RAB27B: variants seen among roughly 807,000 people sequenced by gnomAD.
RAB27B encodes RAB27B, member RAS oncogene family.
A neutral mutation model predicts 24.6 loss-of-function variants in RAB27B; 15 were observed. The ratio of observed to expected loss-of-function variants is 0.61; its 90% CI spans 0.41 to 0.94. RAB27B has a LOEUF of 0.94. Ranked by LOEUF, RAB27B falls within the 40% of genes least tolerant of loss-of-function variation. The probability of loss-of-function intolerance (pLI) is 0.00; values close to 1 mark genes in which losing one functional copy is unlikely to be tolerated. For synonymous variants in RAB27B, 105 were observed against 92.5 expected (o/e 1.14, Z -0.78); for missense variants, 261 against 266.8 (o/e 0.98, Z 0.15).
chr18:54,845,829 A>C (rs1044189614), intron 1 of RAB27B, among the ~76,000 whole-genome samples: 2 of 152,170 alleles, frequency 1.3e-5, no homozygotes, highest in Admixed American at 6.5e-5. Flanking sequence ...TGATTCACTA[A>C]TCATGTATTT....
At chr18:54,842,845 A>G (rs940496700) in intron 1 of RAB27B, among the ~76,000 whole-genome samples, 18 of 152,162 alleles carry the variant, frequency 1.2e-4, no homozygotes, top group Non-Finnish European at 2.6e-4. Context: ...GCCAGGTTGG[A>G]GTGCAGTGGC....
intron 1 of RAB27B, among the ~76,000 whole-genome samples, chr18:54,855,794 T>G (rs1250027726): frequency 6.6e-6 from 1 of 152,214 alleles, no homozygotes; most frequent in Non-Finnish European, 1.5e-5. Context: ...TGGGTTCTTC[T>G]TTAGATTCAA....
chr18:54,873,158 C>A (rs1207693323), intron 1 of RAB27B, among the ~76,000 whole-genome samples: 1 of 152,230 alleles, frequency 6.6e-6, no homozygotes. Flanking sequence ...TTTTCCTTCT[C>A]TGTATATGAC....
In RAB27B at chr18:54,726,393, G is replaced by T. The variant is rs180930704; in HGVS notation, c.-20+8252G>T. Among the ~76,000 whole-genome samples the T allele has an allele frequency of 4.4e-4, 66 of 151,486 alleles. 1 individual carries two copies. The highest frequency in any genetic ancestry group is 1.5e-3 in the African/African-American group (64 of 41,374). On this transcript the variant is annotated intron_variant, in intron 2 of 4. Coordinates refer to the RAB27B transcript ENST00000586570. ...ATGACATCATTTTTGCTTGTTTTCA[G>T]GTTTCCAAAAATTCATGATGTTTAG...
At chr18:54,887,369 T>C (rs1454304663) in intron 4 of RAB27B, among the ~76,000 whole-genome samples, 1 of 152,026 alleles carries the variant, frequency 6.6e-6, no homozygotes, top group Non-Finnish European at 1.5e-5. Context: ...ATGTATTCCG[T>C]ATTTACTGAA....
intron 2 of RAB27B, among the ~76,000 whole-genome samples, chr18:54,749,876 T>C (rs1388274456): frequency 6.6e-6 from 1 of 152,196 alleles, no homozygotes; most frequent in Non-Finnish European, 1.5e-5. Flanking sequence ...CTGTGTTTTA[T>C]ACTGTCAATT....
intron 1 of RAB27B, among the ~76,000 whole-genome samples, chr18:54,846,653 C>A (rs1238323057): frequency 2.0e-5 from 3 of 152,066 alleles, no homozygotes; most frequent in Non-Finnish European, 4.4e-5. Context: ...GCAATAGAGG[C>A]CAAAAAAGAA....
intron 2 of RAB27B, among the ~76,000 whole-genome samples, chr18:54,749,278 T>A (rs1413291860): frequency 6.6e-6 from 1 of 152,154 alleles, no homozygotes; most frequent in Admixed American, 6.6e-5. Flanking sequence ...TAGGGGAAAG[T>A]CAGAGAGAGA....
intron 2 of RAB27B, among the ~76,000 whole-genome samples, chr18:54,732,027 A>T (rs1291479090): frequency 6.6e-6 from 1 of 152,226 alleles, no homozygotes; most frequent in Non-Finnish European, 1.5e-5. Flanking sequence ...AGTATAAAAA[A>T]GGTGGGAAGA....
At chr18:54,742,432 C>G (rs573840190) in intron 2 of RAB27B, among the ~76,000 whole-genome samples, 12 of 152,250 alleles carry the variant, frequency 7.9e-5, no homozygotes, top group Middle Eastern at 3.4e-3. Flanking sequence ...TTAAATCTAT[C>G]AGAACGGAAG....
chr18:54,751,437 C>T (rs1364206693), intron 2 of RAB27B, among the ~76,000 whole-genome samples: 1 of 151,944 alleles, frequency 6.6e-6, no homozygotes, highest in Middle Eastern at 3.2e-3. Flanking sequence ...ATTTGAGGTC[C>T]CTGTGTAACC....
At chr18:54,806,402 C>A (rs904380435) in intron 2 of RAB27B, among the ~76,000 whole-genome samples, 1 of 150,116 alleles carries the variant, frequency 6.7e-6, no homozygotes, top group East Asian at 1.9e-4. Flanking sequence ...TATCTTTTCA[C>A]TTTGATTTCA....
intron 1 of RAB27B, 117 bp from the exon 2 acceptor site, chr18:54,877,450 C>A: frequency 1.4e-6 from 1 of 723,502 alleles, no homozygotes; most frequent in African/African-American, 1.9e-5. Context: ...TCAAATATGG[C>A]AGAATAGAGG....
chr18:54,730,561 G>A (rs1006292702), intron 2 of RAB27B, among the ~76,000 whole-genome samples: 1 of 152,020 alleles, frequency 6.6e-6, no homozygotes, highest in African/African-American at 2.4e-5. Flanking sequence ...TGGAGGTGGG[G>A]CCCGGTGGAG....
At chr18:54,770,818 T>G (rs1026371399) in intron 2 of RAB27B, among the ~76,000 whole-genome samples, 2 of 152,188 alleles carry the variant, frequency 1.3e-5, no homozygotes, top group African/African-American at 4.8e-5. Context: ...TCCCTTTCTG[T>G]TTTTCAACAT....
intron 2 of RAB27B, among the ~76,000 whole-genome samples, chr18:54,753,196 G>A (rs1482603785): frequency 6.6e-6 from 1 of 152,116 alleles, no homozygotes; most frequent in Non-Finnish European, 1.5e-5. Context: ...AAGATTAAAG[G>A]GATCATTTAA....
chr18:54,798,640 A>G (rs1909497753), intron 2 of RAB27B, among the ~76,000 whole-genome samples: 1 of 152,216 alleles, frequency 6.6e-6, no homozygotes, highest in African/African-American at 2.4e-5. Flanking sequence ...AAATAGGAAA[A>G]ACATAGACAG....
At chr18:54,842,325 G>T (rs1248801962) in intron 1 of RAB27B, among the ~76,000 whole-genome samples, 2 of 150,810 alleles carry the variant, frequency 1.3e-5, no homozygotes, top group East Asian at 3.9e-4. Context: ...GAATTTATGG[G>T]TTTTTCTTAC....
intron 2 of RAB27B, among the ~76,000 whole-genome samples, chr18:54,750,960 G>A (rs972241003): frequency 4.6e-5 from 7 of 152,144 alleles, no homozygotes; most frequent in Middle Eastern, 3.2e-3. Context: ...TTACTTCTGG[G>A]GAATTGAGTT....
Sources: gnomAD v4.1 joint callset for allele counts (sites outside exome capture counted in the v4.1 genomes callset) on GRCh38, gnomAD v4.1.1 for gene constraint, MANE v1.5 for transcripts, NCBI Gene and HGNC (gene_info 2026-07-23, HGNC 2026-07-21) for gene names.